The following GUCY1A2 variants were observed in gnomAD, a reference collection of about 807,000 sequenced individuals.
GUCY1A2 encodes guanylate cyclase 1 soluble subunit alpha 2.
Under a neutral mutation model 63.5 loss-of-function variants are expected in GUCY1A2, and 27 were observed. The observed-to-expected ratio is 0.43, with a 90% CI of 0.31 to 0.59. The LOEUF is 0.59. Ranked by LOEUF, GUCY1A2 falls within the 20% of genes least tolerant of loss-of-function variation. The probability of loss-of-function intolerance (pLI) is 0.11; values close to 1 mark genes in which losing one functional copy is unlikely to be tolerated. For synonymous variants in GUCY1A2, 364 were observed against 343.5 expected, an observed-to-expected ratio of 1.06 and a Z score of -0.66; for missense variants, 768 against 913.3, an observed-to-expected ratio of 0.84 and a Z score of 2.05.
chr11:106,951,066 T>A (rs1860901523), intron 3 of GUCY1A2, among the ~76,000 whole-genome samples: 1 of 152,230 alleles, frequency 6.6e-6, no homozygotes, highest in Non-Finnish European at 1.5e-5. Flanking sequence ...GCAAAGGACA[T>A]GATCTCACTC....
chr11:106,876,642 C>G (rs747778129), intron 4 of GUCY1A2, among the ~76,000 whole-genome samples: 1 of 152,104 alleles, frequency 6.6e-6, no homozygotes, highest in Non-Finnish European at 1.5e-5. Context: ...CTAGTATTAA[C>G]TGCATTAAAT....
intron 6 of GUCY1A2, among the ~76,000 whole-genome samples, chr11:106,729,211 G>A (rs970217495): frequency 6.6e-6 from 1 of 152,078 alleles, no homozygotes; most frequent in South Asian, 2.1e-4. Flanking sequence ...AAGGAATTAG[G>A]TGGGAGGAAG....
intron 4 of GUCY1A2, among the ~76,000 whole-genome samples, chr11:106,913,551 T>A (rs1039650227): frequency 2.0e-5 from 3 of 152,060 alleles, no homozygotes; most frequent in Non-Finnish European, 2.9e-5. Flanking sequence ...CACCTCCCAC[T>A]AAGCCCCATC....
In GUCY1A2 at chr11:106,708,655, T is replaced by C. The variant is rs1380754600; in HGVS notation, c.1848A>G (p.Gly616=). The C allele has an allele frequency of 6.3e-7, 1 of 1,596,356 alleles. No individual in the cohort carries two copies. Among genetic ancestry groups the C allele is most frequent in the Non-Finnish European group, 8.5e-7 (1 of 1,169,612 alleles). Residue 616 remains glycine, a synonymous_variant, in exon 7 of 8, where the codon GGA becomes GGG. Coordinates refer to ENST00000526355, the MANE Select transcript of GUCY1A2 (RefSeq NM_000855.3). ...CAGCCAGCACGGAGCCTGAGTGAAT[T>C]CCTATCCTCATCTAAAGAAGAATGA... ...PDGRPIQMRI[G]IHSGSVLAGV...
At chr11:106,703,909 T>C (rs1240036383) in intron 7 of GUCY1A2, among the ~76,000 whole-genome samples, 1 of 152,052 alleles carries the variant, frequency 6.6e-6, no homozygotes, top group Non-Finnish European at 1.5e-5. Flanking sequence ...GGTACATAAT[T>C]CAATTAATCA....
At chr11:106,710,481 A>C (rs1259505430) in intron 6 of GUCY1A2, among the ~76,000 whole-genome samples, 1 of 148,628 alleles carries the variant, frequency 6.7e-6, no homozygotes, top group African/African-American at 2.5e-5. Context: ...CAAAGCAGGT[A>C]TTCAACATTA....
chr11:106,746,302 T>C (rs1039691771), intron 6 of GUCY1A2, among the ~76,000 whole-genome samples: 8 of 152,196 alleles, frequency 5.3e-5, no homozygotes, highest in Non-Finnish European at 1.0e-4. Flanking sequence ...GTTTTATTTG[T>C]AGAGTGAAGA....
chr11:106,769,562 AAC>A (rs1002358246), intron 6 of GUCY1A2, among the ~76,000 whole-genome samples: 6 of 152,294 alleles, frequency 3.9e-5, no homozygotes, highest in Admixed American at 3.3e-4. Context: ...TTTAAAAACA[AAC>A]ACATTTATAG....
chr11:106,718,763 G>T (rs1863260962), intron 6 of GUCY1A2, among the ~76,000 whole-genome samples: 1 of 152,106 alleles, frequency 6.6e-6, no homozygotes, highest in African/African-American at 2.4e-5. Context: ...TGTTAGAAAT[G>T]TAGACAGCTG....
At chr11:106,802,951 T>C (rs1413913421) in intron 5 of GUCY1A2, among the ~76,000 whole-genome samples, 1 of 152,088 alleles carries the variant, frequency 6.6e-6, no homozygotes, top group Non-Finnish European at 1.5e-5. Context: ...AAAACACCAA[T>C]CTGTTTGCAG....
intron 4 of GUCY1A2, among the ~76,000 whole-genome samples, chr11:106,895,030 G>A (rs896420777): frequency 6.6e-6 from 1 of 152,090 alleles, no homozygotes; most frequent in Non-Finnish European, 1.5e-5. Context: ...GAAAAAAAGA[G>A]AAGGGATACA....
intron 1 of GUCY1A2, among the ~76,000 whole-genome samples, chr11:106,989,351 A>AT (rs200374000): frequency 1.5e-4 from 23 of 149,234 alleles, no homozygotes; most frequent in East Asian, 9.8e-4. Flanking sequence ...TGCGTACCTT[A>AT]TTTTTTTTTT....
intron 4 of GUCY1A2, among the ~76,000 whole-genome samples, chr11:106,910,591 T>C (rs1352149261): frequency 1.3e-5 from 2 of 152,084 alleles, no homozygotes; most frequent in African/African-American, 2.4e-5. Context: ...CACAGGCCTA[T>C]ATTCCTTTTC....
chr11:106,805,017 A>G (rs935913702), intron 5 of GUCY1A2, among the ~76,000 whole-genome samples: 28 of 152,056 alleles, frequency 1.8e-4, no homozygotes. Context: ...CCTTGCCAAT[A>G]TGAACTTTGT....
At chr11:106,926,360 C>T (rs1860521495) in intron 4 of GUCY1A2, among the ~76,000 whole-genome samples, 2 of 151,678 alleles carry the variant, frequency 1.3e-5, no homozygotes, top group Admixed American at 1.3e-4. Flanking sequence ...ATTGCTTGAA[C>T]CTGAGAGGTA....
At chr11:106,717,768 A>T (rs1043471917) in intron 6 of GUCY1A2, among the ~76,000 whole-genome samples, 1 of 152,224 alleles carries the variant, frequency 6.6e-6, no homozygotes, top group African/African-American at 2.4e-5. Flanking sequence ...TCCTTTCACC[A>T]GAATTAGTTA....
At chr11:106,850,859 G>A (rs1037542944) in intron 4 of GUCY1A2, among the ~76,000 whole-genome samples, 7 of 151,812 alleles carry the variant, frequency 4.6e-5, no homozygotes, top group African/African-American at 1.7e-4. Context: ...TAAATACTCA[G>A]TAGTGGGATT....
At chr11:106,937,105 C>A (rs1277262349) in intron 4 of GUCY1A2, among the ~76,000 whole-genome samples, 1 of 152,074 alleles carries the variant, frequency 6.6e-6, no homozygotes, top group Non-Finnish European at 1.5e-5. Flanking sequence ...CAATTTGGGG[C>A]AACTGTAACC....
chr11:106,873,217 C>T (rs762877119), intron 4 of GUCY1A2, among the ~76,000 whole-genome samples: 6 of 152,106 alleles, frequency 3.9e-5, no homozygotes, highest in Non-Finnish European at 8.8e-5. Flanking sequence ...ATAAATAGTG[C>T]TGCAATAAAC....
Sources: allele counts gnomAD v4.1 joint callset (sites outside exome capture counted in the v4.1 genomes callset), GRCh38; gene constraint gnomAD v4.1.1; transcripts MANE v1.5; gene names NCBI Gene and HGNC (gene_info 2026-07-23, HGNC 2026-07-21).